DCHS2: variants seen among roughly 807,000 people sequenced by gnomAD.
DCHS2 encodes the protein protocadherin-23.
A neutral mutation model predicts 182.4 loss-of-function variants in DCHS2; 142 were observed. The observed-to-expected ratio is 0.78, with a 90% CI of 0.68 to 0.89. The LOEUF is 0.89. DCHS2 is among the 40% of genes least tolerant of loss of function. The pLI is 0.00. For synonymous variants in DCHS2, 1,740 were observed against 1,663.3 expected, an observed-to-expected ratio of 1.05 and a Z score of -1.12; for missense variants, 4,319 against 4,198.6, an observed-to-expected ratio of 1.03 and a Z score of -0.79.
At position 154,331,645 on chromosome 4, in the gene DCHS2, G is replaced by A. The variant is rs139755880; in HGVS notation, c.3730+833C>T. 149 of 1,613,974 alleles carry A rather than the reference G, an allele frequency of 9.2e-5. No homozygotes were observed. In the African/African-American group the frequency reaches 1.8e-3, roughly 20 times the overall value. On this transcript the variant is annotated intron_variant, in intron 5 of 19. Transcript: ENST00000357232. ...GGCTTGAAGTTCATCAGAACTGAAT[G>A]CAAAGTCTGTCCCACTAAAGGCAGC...
chr4:154,243,845 G>T (rs1383201073), intron 16 of DCHS2, among the ~76,000 whole-genome samples: 1 of 152,082 alleles, frequency 6.6e-6, no homozygotes, highest in Non-Finnish European at 1.5e-5. Flanking sequence ...GTCTCCTCTT[G>T]TTCCATCCAC....
At chr4:154,363,704 A>G (rs1180963891) in intron 3 of DCHS2, among the ~76,000 whole-genome samples, 1 of 152,210 alleles carries the variant, frequency 6.6e-6, no homozygotes, top group Non-Finnish European at 1.5e-5. Context: ...TAGGTCTTAA[A>G]TATTCTCACC....
intron 1 of DCHS2, among the ~76,000 whole-genome samples, chr4:154,437,640 C>T (rs1733835289): frequency 2.0e-5 from 3 of 152,114 alleles, no homozygotes; most frequent in Non-Finnish European, 4.4e-5. Flanking sequence ...TCCATTCCTG[C>T]AAATAAACTT....
Position 154,491,544 on chromosome 4 carries a change from A to T in DCHS2, c.-189T>A. On this transcript the variant is annotated 5_prime_UTR_variant, in exon 1 of 20. Transcript: ENST00000357232. ...TGAAAGCGTCCTCTGCCTGCAGCTCACGCAGACAGGGAAGTAAGCTCTAGC... is the reference window on the plus strand; with the variant it reads ...TGAAAGCGTCCTCTGCCTGCAGCTCTCGCAGACAGGGAAGTAAGCTCTAGC... 1 of 1,385,042 alleles carries T rather than the reference A, an allele frequency of 7.2e-7. No homozygotes were observed. Among genetic ancestry groups the T allele is most frequent in the Non-Finnish European group, 9.3e-7 (1 of 1,076,034 alleles). 85.8% of individuals were successfully genotyped at this position (1,385,042 alleles called of 1,614,324 possible).
chr4:154,322,204 G>A (rs1306420474), intron 8 of DCHS2, 127 bp downstream of exon 8: 9 of 1,311,948 alleles, frequency 6.9e-6, no homozygotes, highest in Non-Finnish European at 9.4e-6. Context: ...TCTCAAAATA[G>A]TATTCATGTA....
At chr4:154,242,099 A>G (rs768668202) in intron 17 of DCHS2, among the ~76,000 whole-genome samples, 2 of 152,190 alleles carry the variant, frequency 1.3e-5, no homozygotes, top group Non-Finnish European at 2.9e-5. Flanking sequence ...GGACCATTGT[A>G]TAACCCACAG....
chr4:154,410,357 A>T (rs1311089776), intron 1 of DCHS2, among the ~76,000 whole-genome samples: 1 of 151,538 alleles, frequency 6.6e-6, no homozygotes, highest in East Asian at 1.9e-4. Context: ...TGAAGCTGAA[A>T]CATTCAACGA....
chr4:154,273,159 C>A (rs560544097), intron 13 of DCHS2, among the ~76,000 whole-genome samples: 1 of 152,016 alleles, frequency 6.6e-6, no homozygotes, highest in African/African-American at 2.4e-5. Context: ...GTGTTTAGGG[C>A]AGCACAATTC....
intron 1 of DCHS2, among the ~76,000 whole-genome samples, chr4:154,470,740 C>G (rs1735430242): frequency 6.6e-6 from 1 of 152,130 alleles, no homozygotes. Context: ...TTAGATTTAT[C>G]ATAAATTTAT....
At chr4:154,256,673 C>CTTGT (rs1189582097) in intron 15 of DCHS2, among the ~76,000 whole-genome samples, 1 of 152,104 alleles carries the variant, frequency 6.6e-6, no homozygotes, top group African/African-American at 2.4e-5. Flanking sequence ...TTACTTTTTA[C>CTTGT]TTGTTTATAT....
At chr4:154,295,623 T>A (rs1387771656) in intron 13 of DCHS2, among the ~76,000 whole-genome samples, 5 of 152,212 alleles carry the variant, frequency 3.3e-5, no homozygotes, top group Non-Finnish European at 7.3e-5. Context: ...TGGTGAGAAT[T>A]TATACCCAAG....
Position 154,333,252 on chromosome 4 carries a change from T to C in DCHS2, c.2956A>G (p.Ile986Val), listed in dbSNP as rs150770753. 1.7e-5 allele frequency: 27 copies of C among 1,614,190 alleles called. No homozygotes were observed. The African/African-American group carries it at 3.5e-4, about 21-fold the overall frequency. The change falls in exon 5 of 20, where the codon ATT (isoleucine) becomes GTT (valine). Residue 986 changes from isoleucine to valine, a missense_variant. Ile to Val is a conservative substitution (Grantham distance 29). Transcript: ENST00000357232. ...HPAFLRTSDE[I>V]RISQTTPPGT... ...GGGGGCGTGGTCTGGGATATTCTAA[T>C]CTCATCCGAGGTCCTGAGGAACGCT...
chr4:154,369,300 C>A (rs1050293958), intron 2 of DCHS2, among the ~76,000 whole-genome samples: 1 of 152,212 alleles, frequency 6.6e-6, no homozygotes, highest in South Asian at 2.1e-4. Context: ...TGCCTCAGAA[C>A]TTCTCACAGA....
At chr4:154,398,422 A>G (rs909713374) in intron 1 of DCHS2, among the ~76,000 whole-genome samples, 1 of 152,142 alleles carries the variant, frequency 6.6e-6, no homozygotes, top group African/African-American at 2.4e-5. Flanking sequence ...TACTGTTATT[A>G]TTCTTGTTCT....
chr4:154,236,867 C>T lies in DCHS2; in HGVS notation c.7785G>A (p.Gln2595=). 1 of 1,614,048 alleles carries T rather than the reference C, an allele frequency of 6.2e-7. No homozygotes were observed. The highest frequency in any genetic ancestry group is 1.3e-5 in the African/African-American group (1 of 75,048). ...VEYSIISGNS[Q]NNFHVETKFF... is the part of the protein sequence containing the mutation. ...ACTTAGTTTCCACATGAAAATTGTT[C>T]TGTGAATTACCACTGATGATGGAAT... The change falls in exon 20 of 20, where the codon CAG becomes CAA. Residue 2595 remains glutamine (Q), a synonymous_variant. Coordinates refer to ENST00000357232, the MANE Select transcript of DCHS2 (RefSeq NM_001358235.2).
At position 154,234,785 on chromosome 4, in the gene DCHS2, A is replaced by C; in HGVS notation, c.9867T>G (p.Ile3289Met). 1 of 1,613,984 alleles carries C rather than the reference A, an allele frequency of 6.2e-7. No individual in the cohort carries two copies. The highest frequency in any genetic ancestry group is 1.1e-5 in the South Asian group (1 of 91,058). Residue 3289 changes from isoleucine (I) to methionine (M), a missense_variant, in exon 20 of 20, where the codon ATT (isoleucine) becomes ATG (methionine). Transcript: ENST00000357232. ...CCGGCATTCTTGGTGGGACTGCTTTAATCCCAGGCTGGGCTACTGCTGTTA... is the reference window on the plus strand; with the variant it reads ...CCGGCATTCTTGGTGGGACTGCTTTCATCCCAGGCTGGGCTACTGCTGTTA... ...PLITAVAQPG[I>M]KAVPPRMPAV... is the part of the protein sequence containing the mutation.
At chr4:154,241,991 G>A (rs940384997) in intron 17 of DCHS2, among the ~76,000 whole-genome samples, 4 of 152,046 alleles carry the variant, frequency 2.6e-5, no homozygotes, top group Non-Finnish European at 5.9e-5. Context: ...AGAGGCAAGC[G>A]AGGGTCACCA....
intron 1 of DCHS2, among the ~76,000 whole-genome samples, chr4:154,455,345 T>A (rs912324491): frequency 1.4e-4 from 22 of 152,240 alleles, no homozygotes; most frequent in African/African-American, 5.1e-4. Flanking sequence ...CTTCATGAAT[T>A]GTCAAGGGAA....
chr4:154,402,332 C>A (rs1248649688), intron 1 of DCHS2, among the ~76,000 whole-genome samples: 1 of 152,074 alleles, frequency 6.6e-6, no homozygotes. Flanking sequence ...CATCTCCCAA[C>A]CCCCAAATGT....
Sources: allele counts gnomAD v4.1 joint callset (sites outside exome capture counted in the v4.1 genomes callset), GRCh38; gene constraint gnomAD v4.1.1; transcripts MANE v1.5; gene names NCBI Gene and HGNC (gene_info 2026-07-23, HGNC 2026-07-21).